The following PLD5 variants were observed in gnomAD, a reference collection of about 807,000 sequenced individuals.
PLD5 encodes inactive phospholipase D5.
Under a neutral mutation model 61.1 loss-of-function variants are expected in PLD5, and 36 were observed. The observed-to-expected ratio is 0.59, with a 90% CI of 0.45 to 0.78. The LOEUF is 0.78. Ranked by LOEUF, PLD5 falls within the 30% of genes least tolerant of loss-of-function variation. The pLI is 0.00. For synonymous variants in PLD5, 243 were observed against 242.8 expected (o/e 1.00, Z -0.01); for missense variants, 515 against 644.4 (o/e 0.80, Z 2.17).
At chr1:242,418,618 A>C (rs1664957073) in intron 1 of PLD5, among the ~76,000 whole-genome samples, 1 of 152,188 alleles carries the variant, frequency 6.6e-6, no homozygotes, top group South Asian at 2.1e-4. Context: ...TTCTGGGAAG[A>C]GGGGCTGACC....
intron 1 of PLD5, among the ~76,000 whole-genome samples, chr1:242,433,866 G>A (rs1482089817): frequency 2.0e-5 from 3 of 152,212 alleles, no homozygotes; most frequent in East Asian, 1.9e-4. Flanking sequence ...TGAGACCAGC[G>A]TGTGATTGTC....
At chr1:242,259,430 A>G (rs1456165806) in intron 4 of PLD5, among the ~76,000 whole-genome samples, 1 of 152,232 alleles carries the variant, frequency 6.6e-6, no homozygotes, top group East Asian at 1.9e-4. Flanking sequence ...ATTTTGAGAA[A>G]CACAGCCCTG....
intron 5 of PLD5, among the ~76,000 whole-genome samples, chr1:242,138,308 G>A (rs927885184): frequency 6.6e-6 from 1 of 151,924 alleles, no homozygotes; most frequent in African/African-American, 2.4e-5. Flanking sequence ...GATGGCAGTT[G>A]GGAAAGGAGA....
At chr1:242,513,725 G>A (rs2809998) in intron 1 of PLD5, among the ~76,000 whole-genome samples, 52,295 of 151,924 alleles carry the variant, frequency 0.34, 9,174 homozygotes, top group Admixed American at 0.39. Context: ...TAACAATGGT[G>A]TGGGTCCAAG....
chr1:242,456,167 C>T (rs1462501522), intron 1 of PLD5, among the ~76,000 whole-genome samples: 1 of 152,196 alleles, frequency 6.6e-6, no homozygotes, highest in Non-Finnish European at 1.5e-5. Context: ...CCCCTCCTTA[C>T]TCCGCCTTGC....
intron 1 of PLD5, among the ~76,000 whole-genome samples, chr1:242,437,228 G>C (rs761606743): frequency 6.6e-6 from 1 of 152,116 alleles, no homozygotes; most frequent in Admixed American, 6.6e-5. Context: ...CATTTAAATC[G>C]AAAGTAACTG....
upstream of PLD5, among the ~76,000 whole-genome samples, chr1:242,527,432 G>A (rs1014478349): frequency 1.1e-4 from 16 of 152,158 alleles, no homozygotes; most frequent in African/African-American, 3.6e-4. Context: ...CACCGCGCCC[G>A]GCCAATCTCT....
chr1:242,096,749 T>G (rs1660268755), intron 9 of PLD5, among the ~76,000 whole-genome samples: 3 of 151,942 alleles, frequency 2.0e-5, no homozygotes, highest in African/African-American at 4.8e-5. Context: ...TTTTTTATTT[T>G]TATTTTTATT....
At position 242,368,124 on chromosome 1, in the gene PLD5, A is replaced by G. The variant is rs567387303; in HGVS notation, c.190-19882T>C. Among the ~76,000 whole-genome samples the G allele has an allele frequency of 3.9e-5, 6 of 152,292 alleles. No individual in the cohort carries two copies. In the East Asian group the frequency reaches 1.2e-3, roughly 29 times the overall value. The stretch of plus-strand genomic sequence containing the variant: ...AACAACAACAACAACAAAACACTTA[A>G]GCTTATTCAGTCAGAAATGGCCAAC... On this transcript the variant is annotated intron_variant, in intron 1 of 9. Transcript: ENST00000536534.
At chr1:242,271,072 GAACT>G (rs1674035066) in intron 3 of PLD5, among the ~76,000 whole-genome samples, 1 of 151,966 alleles carries the variant, frequency 6.6e-6, no homozygotes, top group Non-Finnish European at 1.5e-5. Flanking sequence ...GATGATTTTA[GAACT>G]AACTTAGAAG....
chr1:242,100,639 C>A, intron 9 of PLD5, 29 bp downstream of exon 9: 2 of 1,571,860 alleles, frequency 1.3e-6, no homozygotes, highest in Non-Finnish European at 1.8e-6. Context: ...TGACCCCCAC[C>A]CAAGGAGCTT....
intron 4 of PLD5, among the ~76,000 whole-genome samples, chr1:242,236,397 T>C (rs1671642324): frequency 6.6e-6 from 1 of 152,216 alleles, no homozygotes; most frequent in Non-Finnish European, 1.5e-5. Flanking sequence ...CAGAATTTTA[T>C]GTCTATTTTC....
intron 5 of PLD5, among the ~76,000 whole-genome samples, chr1:242,131,244 T>G (rs146141541): frequency 1.9e-3 from 283 of 152,274 alleles, no homozygotes; most frequent in Admixed American, 2.5e-3. Flanking sequence ...AGGCAGAGGT[T>G]GCAGTGAACC....
intron 1 of PLD5, among the ~76,000 whole-genome samples, chr1:242,494,768 C>T (rs1381206176): frequency 6.6e-6 from 1 of 152,086 alleles, no homozygotes; most frequent in Non-Finnish European, 1.5e-5. Context: ...TTTATGAGGG[C>T]TCTTCCATAA....
chr1:242,407,267 C>T (rs370888685), intron 1 of PLD5, among the ~76,000 whole-genome samples: 4 of 128,054 alleles, frequency 3.1e-5, no homozygotes, highest in African/African-American at 1.3e-4. Flanking sequence ...CCCCTCAGTT[C>T]ACCACGTGGA....
intron 3 of PLD5, among the ~76,000 whole-genome samples, chr1:242,274,137 AT>A (rs1674272818): frequency 6.6e-6 from 1 of 152,278 alleles, no homozygotes; most frequent in South Asian, 2.1e-4. Context: ...ATATAGAATT[AT>A]AACATATTTA....
At chr1:242,454,327 G>T (rs973126550) in intron 1 of PLD5, among the ~76,000 whole-genome samples, 1 of 119,884 alleles carries the variant, frequency 8.3e-6, no homozygotes, top group Non-Finnish European at 1.8e-5. Context: ...GCAAGACTCC[G>T]TGTCAAAAAA....
chr1:242,175,814 CAG>C (rs1398639034), intron 5 of PLD5, among the ~76,000 whole-genome samples: 1 of 152,156 alleles, frequency 6.6e-6, no homozygotes, highest in African/African-American at 2.4e-5. Flanking sequence ...AATAGACAAA[CAG>C]AGAGCCAAAT....
chr1:242,417,939 C>G (rs1664920907), intron 1 of PLD5, among the ~76,000 whole-genome samples: 1 of 152,128 alleles, frequency 6.6e-6, no homozygotes, highest in Non-Finnish European at 1.5e-5. Context: ...AAGGAAGAAC[C>G]ACCAGCTAAG....
Sources: gnomAD v4.1 joint callset for allele counts (sites outside exome capture counted in the v4.1 genomes callset) on GRCh38, gnomAD v4.1.1 for gene constraint, MANE v1.5 for transcripts, NCBI Gene and HGNC (gene_info 2026-07-23, HGNC 2026-07-21) for gene names.